BBS9: variants seen among roughly 807,000 people sequenced by gnomAD.
BBS9 encodes the protein Bardet-Biedl syndrome 9.
In BBS9, 89 loss-of-function variants were observed where a neutral mutation model predicts 117.7. That is an observed-to-expected ratio of 0.76 (90% CI 0.64 to 0.90). The LOEUF (loss-of-function observed/expected upper bound fraction) is 0.90, where lower values mean the gene tolerates loss of function less well. BBS9 is among the 40% of genes least tolerant of loss of function. The pLI, the probability that BBS9 is intolerant of heterozygous loss-of-function variation, is 0.00. For missense variants in BBS9, 982 were observed against 1,042.2 expected (o/e 0.94, Z 0.80); for synonymous variants, 379 against 370.9 (o/e 1.02, Z -0.25).
intron 4 of BBS9, among the ~76,000 whole-genome samples, chr7:33,162,785 T>G (rs571836997): frequency 6.6e-6 from 1 of 152,206 alleles, no homozygotes; most frequent in South Asian, 2.1e-4. Context: ...ACAGGGACAA[T>G]TTGATTTCCC....
At chr7:33,192,957 A>G (rs1784367782) in intron 5 of BBS9, among the ~76,000 whole-genome samples, 2 of 152,190 alleles carry the variant, frequency 1.3e-5, no homozygotes, top group Non-Finnish European at 2.9e-5. Flanking sequence ...TACCACTACA[A>G]TGGGAATTAA....
chr7:33,587,015 A>G (rs912894567), intron 21 of BBS9, among the ~76,000 whole-genome samples: 16 of 152,090 alleles, frequency 1.1e-4, no homozygotes, highest in Non-Finnish European at 2.4e-4. Flanking sequence ...ACCCCTTCCA[A>G]ACCTGAACAT....
intron 21 of BBS9, among the ~76,000 whole-genome samples, chr7:33,620,379 A>G (rs1453357959): frequency 1.3e-5 from 2 of 152,044 alleles, no homozygotes; most frequent in African/African-American, 4.8e-5. Context: ...CTCCTTTTAA[A>G]AACTATTAAA....
intron 19 of BBS9, among the ~76,000 whole-genome samples, chr7:33,401,020 C>A (rs150981733): frequency 1.0e-3 from 153 of 152,290 alleles, no homozygotes; most frequent in Non-Finnish European, 1.6e-3. Context: ...CCAGATGGGC[C>A]ACCTGTATTT....
At chr7:33,370,328 G>A (rs1258664388) in intron 17 of BBS9, among the ~76,000 whole-genome samples, 1 of 151,926 alleles carries the variant, frequency 6.6e-6, no homozygotes, top group Non-Finnish European at 1.5e-5. Context: ...AAATTAGCCA[G>A]TTGTGGTGGC....
intron 9 of BBS9, among the ~76,000 whole-genome samples, chr7:33,291,432 A>G (rs1175666655): frequency 6.6e-6 from 1 of 152,170 alleles, no homozygotes; most frequent in Non-Finnish European, 1.5e-5. Flanking sequence ...TACCTTCCTT[A>G]TGTTATTTCT....
At chr7:33,468,145 G>T (rs913891582) in intron 19 of BBS9, among the ~76,000 whole-genome samples, 4 of 152,164 alleles carry the variant, frequency 2.6e-5, no homozygotes, top group African/African-American at 7.2e-5. Context: ...GATGAAAAGA[G>T]AGAGATCGGG....
intron 4 of BBS9, among the ~76,000 whole-genome samples, chr7:33,161,351 A>G (rs548955068): frequency 6.6e-6 from 1 of 152,082 alleles, no homozygotes; most frequent in Non-Finnish European, 1.5e-5. Context: ...GTTCCCACCT[A>G]TGAGTGAGAA....
intron 5 of BBS9, among the ~76,000 whole-genome samples, chr7:33,215,092 T>A (rs1165566993): frequency 6.6e-6 from 1 of 152,168 alleles, no homozygotes; most frequent in Non-Finnish European, 1.5e-5. Flanking sequence ...CTCGGGAGGC[T>A]GAGGCAGGAG....
intron 19 of BBS9, among the ~76,000 whole-genome samples, chr7:33,467,567 A>ACCCCCCCC (rs1563215445): frequency 1.5e-4 from 9 of 59,430 alleles, no homozygotes; most frequent in South Asian, 5.6e-4. Flanking sequence ...GAACCCCCCA[A>ACCCCCCCC]CTCCGCCACC....
At position 33,235,025 on chromosome 7, in the gene BBS9, ATT is replaced by A. The variant is rs150732470; in HGVS notation, c.443-22208_443-22207del. Among the ~76,000 whole-genome samples the A allele has an allele frequency of 7.7e-3, 1,179 of 152,152 alleles. 17 individuals are homozygous for A. The highest frequency in any genetic ancestry group is 0.027 in the African/African-American group (1,125 of 41,522). On this transcript the variant is annotated intron_variant, in intron 5 of 22. Coordinates refer to ENST00000242067, the MANE Select transcript of BBS9 (RefSeq NM_198428.3). ...TAATATGTGACAAGTATATTTTAGC[ATT>A]TTATTGGAGGAAGTGCTTACTGACT...
At chr7:33,318,020 C>G (rs1810904685) in intron 9 of BBS9, among the ~76,000 whole-genome samples, 1 of 152,188 alleles carries the variant, frequency 6.6e-6, no homozygotes, top group African/African-American at 2.4e-5. Context: ...CCACTGCACT[C>G]CAGCCTGGGC....
chr7:33,151,610 C>T (rs1179968977), intron 2 of BBS9, among the ~76,000 whole-genome samples: 1 of 151,966 alleles, frequency 6.6e-6, no homozygotes, highest in African/African-American at 2.4e-5. Flanking sequence ...AGTACAGTGG[C>T]ACTGTCTCGG....
At position 33,152,701 on chromosome 7, in the gene BBS9, A is replaced by G. The variant is rs753701101; in HGVS notation, c.113A>G (p.Asp38Gly). Reference sequence around the variant, plus strand: ...CTTTTTTTTTTTAAATTCTCTACAGATAAAATAATTGTGGGTAGCTTTATG... The same window carrying G: ...CTTTTTTTTTTTAAATTCTCTACAGGTAAAATAATTGTGGGTAGCTTTATG... ...ANVDNSGNGQDKIIVGSFMGY... is the reference protein window; with the variant it reads ...ANVDNSGNGQGKIIVGSFMGY... The change falls in exon 3 of 23, where the codon GAT (aspartate) becomes GGT (glycine). Residue 38 changes from aspartate to glycine, a missense_variant and splice_region_variant. Physicochemically the swap from Asp to Gly is moderately conservative, Grantham distance 94. Coordinates refer to ENST00000242067, the MANE Select transcript of BBS9 (RefSeq NM_198428.3). 1.2e-6 allele frequency: 2 copies of G among 1,611,162 alleles called. No homozygotes were observed. Among genetic ancestry groups the G allele is most frequent in the Admixed American group, 1.7e-5 (1 of 59,880 alleles).
intron 19 of BBS9, among the ~76,000 whole-genome samples, chr7:33,406,351 A>G (rs1216659222): frequency 1.3e-5 from 2 of 152,198 alleles, no homozygotes; most frequent in Non-Finnish European, 1.5e-5. Flanking sequence ...GTAGATGTCT[A>G]TTAGGTCTGC....
At chr7:33,313,032 CTGTGGT>C (rs1049176987) in intron 9 of BBS9, among the ~76,000 whole-genome samples, 3 of 137,210 alleles carry the variant, frequency 2.2e-5, no homozygotes, top group Non-Finnish European at 3.1e-5. Context: ...GTGCTGTACT[CTGTGGT>C]GTGTGTGTGT....
chr7:33,402,329 C>T (rs1829051892), intron 19 of BBS9, among the ~76,000 whole-genome samples: 1 of 152,048 alleles, frequency 6.6e-6, no homozygotes, highest in Non-Finnish European at 1.5e-5. Flanking sequence ...GTCAAGCTAC[C>T]CTATCCTCTG....
At chr7:33,526,681 C>A (rs1447014304) in intron 20 of BBS9, among the ~76,000 whole-genome samples, 1 of 145,222 alleles carries the variant, frequency 6.9e-6, no homozygotes, top group African/African-American at 2.6e-5. Flanking sequence ...AACCTCTTTG[C>A]CTTTGGTTTG....
intron 21 of BBS9, among the ~76,000 whole-genome samples, chr7:33,616,480 T>G (rs1865139020): frequency 7.6e-6 from 1 of 130,936 alleles, no homozygotes; most frequent in Non-Finnish European, 1.7e-5. Context: ...ATATAATATA[T>G]GTGTGTGTGT....
Sources: allele counts gnomAD v4.1 joint callset (sites outside exome capture counted in the v4.1 genomes callset), GRCh38; gene constraint gnomAD v4.1.1; transcripts MANE v1.5; gene names NCBI Gene and HGNC (gene_info 2026-07-23, HGNC 2026-07-21).